Variants in HECTD2 observed in about 807,000 individuals in gnomAD.
HECTD2 encodes the protein probable E3 ubiquitin-protein ligase HECTD2.
Under a neutral mutation model 103.2 loss-of-function variants are expected in HECTD2, and 35 were observed. The observed-to-expected ratio is 0.34, with a 90% CI of 0.26 to 0.45. The LOEUF is 0.45. HECTD2 is among the 20% of genes least tolerant of loss of function. HECTD2 has a pLI of 1.00. For missense variants in HECTD2, 596 were observed against 937.4 expected, an observed-to-expected ratio of 0.64 and a Z score of 4.76; for synonymous variants, 281 against 329.9, an observed-to-expected ratio of 0.85 and a Z score of 1.61.
chr10:91,502,103 A>G (rs542631996), intron 20 of HECTD2, among the ~76,000 whole-genome samples: 5 of 152,172 alleles, frequency 3.3e-5, no homozygotes, highest in Non-Finnish European at 7.4e-5. Flanking sequence ...TATTAAACTC[A>G]TGTGCTTTAA....
chr10:91,473,983 T>G (rs1230938583), intron 5 of HECTD2, among the ~76,000 whole-genome samples: 1 of 152,080 alleles, frequency 6.6e-6, no homozygotes, highest in Non-Finnish European at 1.5e-5. Flanking sequence ...CTGCATAAAA[T>G]TGATGTCTAA....
At chr10:91,462,044 G>C in intron 4 of HECTD2, 51 bp from the exon 5 acceptor site, 2 of 1,327,636 alleles carry the variant, frequency 1.5e-6, no homozygotes, top group Non-Finnish European at 2.1e-6. Flanking sequence ...ATTTTACTAA[G>C]AATAGTCTTT....
intron 20 of HECTD2, among the ~76,000 whole-genome samples, chr10:91,505,835 A>G (rs1847139389): frequency 6.6e-6 from 1 of 151,842 alleles, no homozygotes. Context: ...TTTCAGCACC[A>G]CACCACACCT....
intron 2 of HECTD2, among the ~76,000 whole-genome samples, chr10:91,434,631 T>C (rs553125024): frequency 6.6e-6 from 1 of 151,948 alleles, no homozygotes; most frequent in Non-Finnish European, 1.5e-5. Context: ...TGTTCTTCTT[T>C]TTTTGGGACA....
chr10:91,417,982 A>G (rs1437823053), intron 1 of HECTD2, among the ~76,000 whole-genome samples: 5 of 152,268 alleles, frequency 3.3e-5, no homozygotes, highest in East Asian at 3.9e-4. Context: ...AGTCCCACCA[A>G]CAGTGTAAAA....
At chr10:91,492,977 A>G (rs1380144487) in intron 13 of HECTD2, among the ~76,000 whole-genome samples, 1 of 151,900 alleles carries the variant, frequency 6.6e-6, no homozygotes, top group Non-Finnish European at 1.5e-5. Flanking sequence ...AACTTTTCAA[A>G]GGAGAATTTT....
chr10:91,409,908 T>G (rs1055267307), upstream of HECTD2, among the ~76,000 whole-genome samples: 21 of 152,124 alleles, frequency 1.4e-4, no homozygotes, highest in Non-Finnish European at 1.5e-4. Context: ...GGGCCGTCCG[T>G]GAAGGGTAGT....
At chr10:91,497,917 C>A (rs1846748225) in intron 15 of HECTD2, among the ~76,000 whole-genome samples, 191 bp from the exon 16 acceptor site, 1 of 152,056 alleles carries the variant, frequency 6.6e-6, no homozygotes, top group African/African-American at 2.4e-5. Flanking sequence ...TGGATAGTTT[C>A]CCCATCTATG....
At chr10:91,495,091 G>A (rs1846618762) in intron 14 of HECTD2, among the ~76,000 whole-genome samples, 2 of 151,824 alleles carry the variant, frequency 1.3e-5, no homozygotes, top group African/African-American at 2.4e-5. Flanking sequence ...TCATTATTAT[G>A]TGTGTTTATC....
At chr10:91,467,781 C>G (rs1845582954) in intron 5 of HECTD2, among the ~76,000 whole-genome samples, 1 of 152,214 alleles carries the variant, frequency 6.6e-6, no homozygotes, top group South Asian at 2.1e-4. Flanking sequence ...CACCAGGCTA[C>G]TGCTGCATGA....
At chr10:91,482,538 G>A (rs1395039608) in intron 7 of HECTD2, among the ~76,000 whole-genome samples, 1 of 151,818 alleles carries the variant, frequency 6.6e-6, no homozygotes, top group Admixed American at 6.6e-5. Context: ...GGAACACCCA[G>A]GTTTTTTGCT....
chr10:91,477,244 C>A (rs1248422494), intron 5 of HECTD2, among the ~76,000 whole-genome samples: 1 of 151,106 alleles, frequency 6.6e-6, no homozygotes, highest in Non-Finnish European at 1.5e-5. Flanking sequence ...GTAGCAAGGT[C>A]ATAGCTAGGA....
At chr10:91,459,639 A>G (rs1225605251) in intron 2 of HECTD2, among the ~76,000 whole-genome samples, 1 of 152,118 alleles carries the variant, frequency 6.6e-6, no homozygotes, top group Non-Finnish European at 1.5e-5. Context: ...GCAGAATCTA[A>G]TAATGTACTT....
intron 1 of HECTD2, among the ~76,000 whole-genome samples, chr10:91,412,769 T>C (rs901210719): frequency 6.6e-6 from 1 of 151,936 alleles, no homozygotes; most frequent in African/African-American, 2.4e-5. Context: ...AGAAAATCTA[T>C]GCTTGGTCCT....
At chr10:91,423,569 T>A (rs1175882282) in intron 1 of HECTD2, among the ~76,000 whole-genome samples, 1 of 152,130 alleles carries the variant, frequency 6.6e-6, no homozygotes, top group Non-Finnish European at 1.5e-5. Flanking sequence ...GTCCCTCAGG[T>A]TCCCATGTAG....
chr10:91,418,838 A>G (rs1328751720), intron 1 of HECTD2, among the ~76,000 whole-genome samples: 2 of 152,182 alleles, frequency 1.3e-5, no homozygotes, highest in African/African-American at 2.4e-5. Flanking sequence ...AATGTTTTCT[A>G]TTTTAACTTG....
intron 20 of HECTD2, 54 bp from the exon 21 acceptor site, chr10:91,512,210 G>A: frequency 6.3e-7 from 1 of 1,583,084 alleles, no homozygotes; most frequent in Non-Finnish European, 8.6e-7. Context: ...TTGCATAGCA[G>A]TCATTTTGTG....
At chr10:91,498,012 C>A in intron 15 of HECTD2, 96 bp from the exon 16 acceptor site, 1 of 768,024 alleles carries the variant, frequency 1.3e-6, no homozygotes, top group Non-Finnish European at 2.3e-6. Flanking sequence ...CAAATATGAT[C>A]TTTATATACA....
intron 11 of HECTD2, chr10:91,489,118 C>G (rs1020692275): frequency 6.6e-6 from 1 of 152,124 alleles, no homozygotes; most frequent in Non-Finnish European, 1.5e-5. Context: ...ACAGTTTTTT[C>G]TGTGTCACTC....
Sources: allele counts gnomAD v4.1 joint callset (sites outside exome capture counted in the v4.1 genomes callset), GRCh38; gene constraint gnomAD v4.1.1; transcripts MANE v1.5; gene names NCBI Gene and HGNC (gene_info 2026-07-23, HGNC 2026-07-21).